The following TSC2 variants were observed in gnomAD, a reference collection of about 807,000 sequenced individuals.
TSC2 encodes TSC complex subunit 2, also known as tuberin.
A neutral mutation model predicts 202.2 loss-of-function variants in TSC2; 29 were observed. The observed-to-expected ratio is 0.14, with a 90% CI of 0.11 to 0.20. The LOEUF is 0.20. TSC2 is among the 10% of genes least tolerant of loss of function. TSC2 has a pLI of 1.00. For missense variants in TSC2, 2,429 were observed against 2,420.0 expected, an observed-to-expected ratio of 1.00 and a Z score of -0.08; for synonymous variants, 1,349 against 1,044.0, an observed-to-expected ratio of 1.29 and a Z score of -5.63.
chr16:2,076,364 A>T, intron 24 of TSC2, 127 bp from the exon 25 acceptor site: 2 of 1,574,610 alleles, frequency 1.3e-6, no homozygotes, highest in East Asian at 2.3e-5. Context: ...GAGGGGTGGG[A>T]GCTGGGTGCC....
At chr16:2,071,414 C>T in intron 17 of TSC2, 96 bp from the exon 18 acceptor site, 1 of 1,280,318 alleles carries the variant, frequency 7.8e-7, no homozygotes, top group Non-Finnish European at 1.1e-6. Flanking sequence ...TTTCTGAGTG[C>T]CTGTGGTGCT....
At chr16:2,056,825 G>C (rs2085909141) in intron 8 of TSC2, 56 bp downstream of exon 8, 1 of 1,599,264 alleles carries the variant, frequency 6.3e-7, no homozygotes, top group Admixed American at 1.7e-5. Context: ...ATGGGACAAG[G>C]GCCATCCTGT....
At position 2,083,820 on chromosome 16, in the gene TSC2, AGT is replaced by A. The variant is rs758495749; in HGVS notation, c.4005+8_4005+9del. On this transcript the variant is annotated splice_donor_5th_base_variant and intron_variant, in intron 33 of 41. Transcript: ENST00000219476. ...GCGCACGGATGCCTACAGCAGGGTG[AGT>A]GTGGCTCAGAGCCTGGACCCTGCTG... 1.2e-6 allele frequency: 2 copies of A among 1,609,926 alleles called. No homozygotes were observed. The highest frequency in any genetic ancestry group is 2.7e-5 in the African/African-American group (2 of 74,892).
Position 2,077,687 on chromosome 16 carries a change from G to C in TSC2, c.2927G>C (p.Arg976Pro), listed in dbSNP as rs779832805. 26 of 1,613,034 alleles carry C rather than the reference G, an allele frequency of 1.6e-5. No homozygotes were observed. The highest frequency in any genetic ancestry group is 2.2e-5 in the Non-Finnish European group (26 of 1,180,022). Residue 976 changes from arginine to proline, a missense_variant, in exon 26 of 42, where the codon CGG (arginine) becomes CCG (proline). By Grantham distance (103) the Arg-to-Pro change is moderately radical. Coordinates refer to ENST00000219476, the MANE Select transcript of TSC2 (RefSeq NM_000548.5). Reference sequence around the variant, plus strand: ...GAGAGCTCTGCAGCCGAGGCCTTCCGGTGCCGCAGCATCAGTGTGTCTGAA... The same window carrying C: ...GAGAGCTCTGCAGCCGAGGCCTTCCCGTGCCGCAGCATCAGTGTGTCTGAA... ...FKESSAAEAF[R>P]CRSISVSEHV... is the part of the protein sequence containing the mutation.
In TSC2 at chr16:2,050,391, T is replaced by C. The variant is rs1450600815; in HGVS notation, c.139-9T>C. 6.2e-7 allele frequency: 1 copy of C among 1,613,596 alleles called. No individual in the cohort carries two copies. The highest frequency in any genetic ancestry group is 1.3e-5 in the African/African-American group (1 of 74,870). ...ACTGGCCCCTTTTTCTTCTTTCATC[T>C]CTCTCCAGGAACTGAGCATGGAATG... On this transcript the variant is annotated splice_polypyrimidine_tract_variant and intron_variant, in intron 2 of 41. Transcript: ENST00000219476.
In TSC2 at chr16:2,088,608, T is replaced by A. The variant is rs1567135442; in HGVS notation, c.5422T>A (p.Ter1808ArgextTer19). The change falls in exon 42 of 42, where the codon TGA (stop) becomes AGA (arginine). Residue 1808 changes from the stop codon to arginine, a stop_lost. Transcript: ENST00000219476. ...SSVEDFTEFV[*>R] ...GGTGGAGGACTTCACCGAGTTTGTG[T>A]GAGGCCGGGGCCCTCCCTCCTGCAC... 2.5e-6 allele frequency: 4 copies of A among 1,602,508 alleles called. No homozygotes were observed. Among genetic ancestry groups the A allele is most frequent in the Non-Finnish European group, 3.4e-6 (4 of 1,179,490 alleles).
At chr16:2,088,374 G>A (rs2091168227) in intron 41 of TSC2, 49 bp downstream of exon 41, 1 of 1,612,206 alleles carries the variant, frequency 6.2e-7, no homozygotes, top group African/African-American at 1.3e-5. Flanking sequence ...TGCCCAAGCT[G>A]TGGGGCGGGT....
intron 3 of TSC2, 45 bp downstream of exon 3, chr16:2,050,531 T>C (rs1002281894): frequency 6.4e-7 from 1 of 1,567,796 alleles, no homozygotes; most frequent in Non-Finnish European, 8.8e-7. Context: ...ACGTAGACTA[T>C]TCAGAGCCTG....
rs748711835 is a variant in TSC2, at chr16:2,050,317, A to G, written c.139-83A>G. 10 of 1,241,214 alleles carry G rather than the reference A, an allele frequency of 8.1e-6. No individual in the cohort carries two copies. The Admixed American group carries it at 1.7e-4, about 22-fold the overall frequency. 76.9% of individuals were successfully genotyped at this position (1,241,214 alleles called of 1,614,324 possible). On this transcript the variant is annotated intron_variant, in intron 2 of 41. Coordinates refer to ENST00000219476, the MANE Select transcript of TSC2 (RefSeq NM_000548.5). ...TCTCTAGTCTGGAAAATGCAGTGGG[A>G]GTCTTTAGGTGGTTTGTGACTTGCA...
intron 7 of TSC2, 117 bp downstream of exon 7, chr16:2,056,361 C>T (rs45460197): frequency 1.5e-5 from 22 of 1,431,188 alleles, no homozygotes; most frequent in African/African-American, 2.8e-5. Flanking sequence ...GCAAGCTGCT[C>T]GGTCTCTCTG....
rs753197543 is a variant in TSC2, at chr16:2,056,674, T to G, written c.679T>G (p.Cys227Gly). The G allele has an allele frequency of 2.5e-6, 4 of 1,612,308 alleles. No homozygotes were observed. Among genetic ancestry groups the G allele is most frequent in the Non-Finnish European group, 3.4e-6 (4 of 1,180,028 alleles). ...VSLQVLDAVVCYNCLPAESLP... is the reference protein window; with the variant it reads ...VSLQVLDAVVGYNCLPAESLP... ...CCTGCAGGTGCTGGACGCCGTGGTC[T>G]GCTACAACTGCCTGCCGGCTGAGAG... The change falls in exon 8 of 42, where the codon TGC becomes GGC. Residue 227 changes from cysteine (C) to glycine (G), a missense_variant. Transcript: ENST00000219476.
At chr16:2,086,978 A>T (rs114989209) in intron 38 of TSC2, 107 bp downstream of exon 38, 1 of 1,506,252 alleles carries the variant, frequency 6.6e-7, no homozygotes, top group African/African-American at 1.4e-5. Context: ...GAGGAGCAGG[A>T]GGAGAGGCCG....
chr16:2,088,917 T>A lies in TSC2; in HGVS notation c.*307T>A. The stretch of plus-strand genomic sequence containing the variant: ...CACACACAGTCACCTTCCTCCACCC[T>A]GGGAGCCAGCCCCCAGGAGGAGTCT... On this transcript the variant is annotated 3_prime_UTR_variant, in exon 42 of 42. Coordinates refer to ENST00000219476, the MANE Select transcript of TSC2 (RefSeq NM_000548.5). 1 of 387,622 alleles carries A rather than the reference T, an allele frequency of 2.6e-6. No homozygotes were observed. The allele number at this position is 387,622 out of a possible 1,614,324, so 24.0% of individuals were successfully genotyped here. A position where few individuals can be genotyped will look rare whatever the true frequency, so the allele number is the denominator to read the frequency against.
chr16:2,061,330 G>A (rs2086614634), intron 11 of TSC2: 2 of 286,452 alleles, frequency 7.0e-6, no homozygotes, highest in South Asian at 3.5e-5. Flanking sequence ...AGGCCAGGCA[G>A]CAGAAGGGAG....
At chr16:2,063,413 G>A in intron 14 of TSC2, 2 of 404,544 alleles carry the variant, frequency 4.9e-6, no homozygotes. Flanking sequence ...CGTTCACCCT[G>A]TGCACCTGCG....
Position 2,089,442 on chromosome 16 carries a change from G to C in TSC2, c.*832G>C. The C allele has an allele frequency of 2.0e-6, 1 of 506,718 alleles. No individual in the cohort carries two copies. Among genetic ancestry groups the C allele is most frequent in the Non-Finnish European group, 3.6e-6 (1 of 280,224 alleles). 31.4% of individuals were successfully genotyped at this position (506,718 alleles called of 1,614,324 possible). A position where few individuals can be genotyped will look rare whatever the true frequency, so the allele number is the denominator to read the frequency against. The stretch of plus-strand genomic sequence containing the variant: ...CAGGGGGTGGGGCCGGGCACAGCCC[G>C]CTGTACCTGAGGACTCGGGGAAATA... On this transcript the variant is annotated 3_prime_UTR_variant, in exon 42 of 42. Transcript: ENST00000219476.
chr16:2,061,187 T>C (rs1222483205), intron 11 of TSC2: 1 of 356,774 alleles, frequency 2.8e-6, no homozygotes, highest in African/African-American at 2.1e-5. Flanking sequence ...GTCGAGTCTG[T>C]TAACCACAGC....
intron 32 of TSC2, 52 bp downstream of exon 32, chr16:2,082,556 T>A (rs758978539): frequency 1.3e-6 from 2 of 1,593,362 alleles, no homozygotes; most frequent in Admixed American, 1.7e-5. Context: ...CTCTGCCTCA[T>A]AGGTGCTGTG....
At chr16:2,087,491 G>C (rs528976731) in intron 38 of TSC2, among the ~76,000 whole-genome samples, 6 of 151,960 alleles carry the variant, frequency 3.9e-5, no homozygotes, top group Non-Finnish European at 7.4e-5. Flanking sequence ...CAGTTGGGGG[G>C]GGGGGGGCAC....
Sources: gnomAD v4.1 joint callset for allele counts (sites outside exome capture counted in the v4.1 genomes callset) on GRCh38, gnomAD v4.1.1 for gene constraint, MANE v1.5 for transcripts, NCBI Gene and HGNC (gene_info 2026-07-23, HGNC 2026-07-21) for gene names.